The following CFAP47 variants were observed in gnomAD, a reference collection of about 807,000 sequenced individuals.
The protein encoded by CFAP47 is cilia and flagella associated protein 47.
CFAP47 carries 29 observed loss-of-function variants against 148.1 expected under a neutral mutation model. That is an observed-to-expected ratio of 0.20 (90% CI 0.15 to 0.27). CFAP47 has a LOEUF of 0.27. Among genes scored for constraint, CFAP47 ranks in the 10% least tolerant of loss-of-function variants. The pLI, the probability that CFAP47 is intolerant of heterozygous loss-of-function variation, is 1.00. For synonymous variants in CFAP47, 664 were observed against 577.3 expected (o/e 1.15, Z -2.15); for missense variants, 1,872 against 1,697.5 (o/e 1.10, Z -1.81).
intron 20 of CFAP47, among the ~76,000 whole-genome samples, chrX:36,001,026 T>C (rs910159512): frequency 1.8e-5 from 2 of 111,788 alleles, no homozygotes; most frequent in African/African-American, 6.5e-5. Flanking sequence ...ACCATATGTC[T>C]CACAAAGCTT....
At chrX:36,270,091 T>C (rs1439943387) in intron 49 of CFAP47, among the ~76,000 whole-genome samples, 1 of 111,964 alleles carries the variant, frequency 8.9e-6, no homozygotes, top group African/African-American at 3.2e-5. Context: ...CCCCTATGTT[T>C]TGGCAATTAA....
intron 40 of CFAP47, among the ~76,000 whole-genome samples, chrX:36,182,038 T>C (rs1939756416): frequency 8.9e-6 from 1 of 112,536 alleles, no homozygotes; most frequent in Admixed American, 9.4e-5. Context: ...GAATTCTGCC[T>C]GCTTCCTGTA....
intron 56 of CFAP47, among the ~76,000 whole-genome samples, chrX:36,317,131 T>C (rs2146966138): frequency 9.0e-6 from 1 of 111,518 alleles, no homozygotes; most frequent in Admixed American, 9.6e-5. Context: ...TGAAAATCCC[T>C]GGAGGTCCTC....
At chrX:35,940,041 G>T (rs1235936184) in intron 2 of CFAP47, among the ~76,000 whole-genome samples, 1 of 111,327 alleles carries the variant, frequency 9.0e-6, no homozygotes, top group Non-Finnish European at 1.9e-5. Context: ...TTCTCTGATT[G>T]CCAGTGATGG....
In CFAP47 at chrX:36,113,512, CT is replaced by C. The variant is rs201571672; in HGVS notation, c.5320+8824del. On this transcript the variant is annotated intron_variant, in intron 33 of 63. Coordinates refer to ENST00000378653, the MANE Select transcript of CFAP47 (RefSeq NM_001304548.2). ...TGACCTGACCTTTCTCACTAGCTGC[CT>C]TTAACAATTTTTCTTTCATTTTGAC... 6.2e-3 allele frequency among the ~76,000 whole-genome samples: 691 copies of C among 111,232 alleles called. 3 individuals carry two copies. Among genetic ancestry groups the C allele is most frequent in the African/African-American group, 0.022 (667 of 30,588 alleles).
In CFAP47 at chrX:35,972,081, T is replaced by C. The variant is rs746410317; in HGVS notation, c.2254+116T>C. 2,182 of 489,851 alleles carry C rather than the reference T, an allele frequency of 4.5e-3. 4 individuals carry two copies. The highest frequency in any genetic ancestry group is 6.0e-3 in the Non-Finnish European group (1,749 of 292,602). The allele number at this position is 489,851 out of a possible 1,213,427, so 40.4% of individuals were successfully genotyped here. ...TATGCAAGTATCAACTTTGGAAATA[T>C]AAGAAGTCCTCAGAGTAGTCATAGT... On this transcript the variant is annotated intron_variant, in intron 13 of 63. Transcript: ENST00000378653.
intron 42 of CFAP47, among the ~76,000 whole-genome samples, chrX:36,197,407 C>T (rs1358515009): frequency 8.9e-6 from 1 of 112,312 alleles, no homozygotes; most frequent in Admixed American, 9.5e-5. Flanking sequence ...GTTATAATAA[C>T]TCTACACTCA....
chrX:36,053,982 C>T (rs2146741365), intron 26 of CFAP47, among the ~76,000 whole-genome samples: 1 of 112,641 alleles, frequency 8.9e-6, no homozygotes, highest in African/African-American at 3.2e-5. Context: ...TCTCTAACCC[C>T]ATCCTCTTTG....
Position 36,306,228 on chromosome X carries a change from T to A in CFAP47, c.8083-544T>A, listed in dbSNP as rs1037676682. 4.5e-5 allele frequency among the ~76,000 whole-genome samples: 5 copies of A among 111,549 alleles called. No individual in the cohort carries two copies. In the East Asian group the frequency reaches 1.1e-3, roughly 25 times the overall value. On this transcript the variant is annotated intron_variant, in intron 54 of 63. Transcript: ENST00000378653. ...TTGGAGTCACTGGCTTCTTTCACAGTCTCTAAAGAAGTAACTTAAACTAAT... is the reference window on the plus strand; with the variant it reads ...TTGGAGTCACTGGCTTCTTTCACAGACTCTAAAGAAGTAACTTAAACTAAT...
At chrX:36,271,988 T>A (rs1292954356) in intron 49 of CFAP47, among the ~76,000 whole-genome samples, 1 of 111,798 alleles carries the variant, frequency 8.9e-6, no homozygotes, top group African/African-American at 3.2e-5. Context: ...CCTAATTCAA[T>A]AGGACCTACA....
chrX:35,986,345 T>C (rs189808852), intron 15 of CFAP47, among the ~76,000 whole-genome samples: 1 of 109,301 alleles, frequency 9.1e-6, no homozygotes, highest in Non-Finnish European at 1.9e-5. Flanking sequence ...CGTACTTTAT[T>C]TTATTAAGTT....
intron 16 of CFAP47, 69 bp downstream of exon 16, chrX:35,989,518 T>C (rs1936761131): frequency 2.5e-6 from 3 of 1,206,687 alleles, no homozygotes; most frequent in African/African-American, 1.7e-5. Flanking sequence ...CACTGGTGTA[T>C]ATAGTTACCT....
At chrX:36,307,648 G>T (rs1370793690) in intron 55 of CFAP47, among the ~76,000 whole-genome samples, 1 of 110,667 alleles carries the variant, frequency 9.0e-6, no homozygotes, top group Non-Finnish European at 1.9e-5. Flanking sequence ...GCAAATGGAG[G>T]AATGTACTTT....
chrX:36,272,787 A>G (rs73199347), intron 49 of CFAP47, among the ~76,000 whole-genome samples: 6,393 of 111,218 alleles, frequency 0.057, 161 homozygotes, highest in Middle Eastern at 0.14. Context: ...AATTTATATA[A>G]TTTTTATTCT....
Position 36,107,647 on chromosome X carries a change from T to C in CFAP47, c.5320+2956T>C. On this transcript the variant is annotated intron_variant, in intron 33 of 63. Coordinates refer to ENST00000378653, the MANE Select transcript of CFAP47 (RefSeq NM_001304548.2). ...TTCCCTTGAGGATATAATTAACCTA[T>C]AAACAGTGTTCTATACAGACTTATT... is the stretch of plus-strand genomic sequence containing the variant. Among the ~76,000 whole-genome samples the C allele has an allele frequency of 2.7e-5, 3 of 112,160 alleles. No individual in the cohort carries two copies. In the South Asian group the frequency reaches 1.1e-3, roughly 41 times the overall value.
intron 39 of CFAP47, 28 bp from the exon 40 acceptor site, chrX:36,179,317 A>C (rs1008827383): frequency 1.0e-5 from 3 of 294,234 alleles, no homozygotes; most frequent in African/African-American, 8.2e-5. Context: ...CAATCAATTA[A>C]AAATAATTAT....
intron 57 of CFAP47, among the ~76,000 whole-genome samples, chrX:36,333,022 T>C (rs1556014285): frequency 1.8e-5 from 2 of 111,950 alleles, no homozygotes. Context: ...ATCAATTCTG[T>C]CCCATCTCCA....
At chrX:36,005,981 T>TA (rs1255147015) in intron 21 of CFAP47, among the ~76,000 whole-genome samples, 1 of 111,154 alleles carries the variant, frequency 9.0e-6, no homozygotes, top group African/African-American at 3.3e-5. Context: ...TATAGATTTT[T>TA]AAAAATTATT....
At chrX:36,336,708 A>G (rs1320427644) in intron 57 of CFAP47, among the ~76,000 whole-genome samples, 2 of 112,022 alleles carry the variant, frequency 1.8e-5, no homozygotes, top group Non-Finnish European at 3.8e-5. Context: ...AGGAGATATA[A>G]TTGCTGTGAC....
Sources: allele counts gnomAD v4.1 joint callset (sites outside exome capture counted in the v4.1 genomes callset), GRCh38; gene constraint gnomAD v4.1.1; transcripts MANE v1.5; gene names NCBI Gene and HGNC (gene_info 2026-07-23, HGNC 2026-07-21).